Variants in MGAT4C observed in about 807,000 individuals in gnomAD.
MGAT4C encodes the protein alpha-1,3-mannosyl-glycoprotein 4-beta-N-acetylglucosaminyltransferase C.
In MGAT4C, 19 loss-of-function variants were observed where a neutral mutation model predicts 40.1. The observed-to-expected ratio is 0.47, with a 90% CI of 0.33 to 0.70. MGAT4C has a LOEUF of 0.70. MGAT4C is among the 30% of genes least tolerant of loss of function. The pLI is 0.02. For synonymous variants in MGAT4C, 181 were observed against 187.1 expected (o/e 0.97, Z 0.27); for missense variants, 491 against 563.2 (o/e 0.87, Z 1.30).
chr12:86,215,747 G>T (rs1950647126), intron 1 of MGAT4C, among the ~76,000 whole-genome samples: 1 of 151,932 alleles, frequency 6.6e-6, no homozygotes, highest in Non-Finnish European at 1.5e-5. Context: ...TTTGTCTAGT[G>T]TTTTCTTTTA....
intron 2 of MGAT4C, among the ~76,000 whole-genome samples, chr12:86,658,039 T>C (rs1963892432): frequency 6.6e-6 from 1 of 152,012 alleles, no homozygotes; most frequent in Admixed American, 6.6e-5. Context: ...AGCAACATAC[T>C]TAGGTGAATT....
At chr12:86,807,515 C>T (rs962029176) in intron 1 of MGAT4C, among the ~76,000 whole-genome samples, 2 of 151,946 alleles carry the variant, frequency 1.3e-5, no homozygotes, top group Admixed American at 6.6e-5. Context: ...TTTTTTTATC[C>T]AGTCTATCAC....
At chr12:86,436,462 A>G (rs1249040286) in intron 2 of MGAT4C, among the ~76,000 whole-genome samples, 1 of 151,666 alleles carries the variant, frequency 6.6e-6, no homozygotes. Flanking sequence ...TTTTTTTAAT[A>G]GTTTGTATCA....
In MGAT4C at chr12:85,977,560, T is replaced by C. The variant is rs1766755373; in HGVS notation, c.*1729A>G. The C allele has an allele frequency of 6.6e-6, 1 of 151,428 alleles. No homozygotes were observed. The highest frequency in any genetic ancestry group is 2.4e-5 in the African/African-American group (1 of 41,366). The allele number at this position is 151,428 out of a possible 1,614,324, so 9.4% of individuals were successfully genotyped here. On this transcript the variant is annotated 3_prime_UTR_variant, in exon 5 of 5. Transcript: ENST00000611864. ...GTTTTTCTTCTAACACTTTAGTAGC[T>C]GAATACAAAGAAAATACACAACAGC...
chr12:86,736,265 C>G (rs954213294), intron 1 of MGAT4C, among the ~76,000 whole-genome samples: 6 of 151,672 alleles, frequency 4.0e-5, no homozygotes, highest in Non-Finnish European at 8.8e-5. Context: ...TATCCTAACA[C>G]CTCAATTTCA....
chr12:86,138,378 G>T, intron 1 of MGAT4C, among the ~76,000 whole-genome samples: 1 of 149,622 alleles, frequency 6.7e-6, no homozygotes, highest in Middle Eastern at 3.3e-3. Context: ...GCCTCCTCAG[G>T]ATTCCCACTT....
chr12:86,408,482 T>C (rs1956530124), intron 3 of MGAT4C, among the ~76,000 whole-genome samples: 1 of 73,128 alleles, frequency 1.4e-5, no homozygotes, highest in Non-Finnish European at 2.9e-5. Context: ...TCTCTCTCTA[T>C]ATATATATAT....
chr12:86,470,969 A>G (rs995196038), intron 2 of MGAT4C, among the ~76,000 whole-genome samples: 4 of 152,090 alleles, frequency 2.6e-5, no homozygotes, highest in Non-Finnish European at 5.9e-5. Context: ...ATGGAACAGC[A>G]TCTCAAAAGT....
chr12:86,549,396 T>C (rs1365170165), intron 2 of MGAT4C, among the ~76,000 whole-genome samples: 1 of 152,192 alleles, frequency 6.6e-6, no homozygotes, highest in Non-Finnish European at 1.5e-5. Flanking sequence ...GTCAAAGGCA[T>C]TTAATTATTA....
intron 2 of MGAT4C, among the ~76,000 whole-genome samples, chr12:86,484,370 G>T (rs1957983327): frequency 6.6e-6 from 1 of 152,206 alleles, no homozygotes; most frequent in Admixed American, 6.5e-5. Flanking sequence ...TGTTCTGCAT[G>T]TTCCCCTGCC....
intron 1 of MGAT4C, among the ~76,000 whole-genome samples, chr12:86,154,648 T>C (rs763935246): frequency 3.3e-4 from 50 of 152,316 alleles, no homozygotes; most frequent in Non-Finnish European, 5.7e-4. Flanking sequence ...GTTCTCACAT[T>C]ATACTTTAAT....
At chr12:86,089,664 A>C (rs905540644) in intron 1 of MGAT4C, among the ~76,000 whole-genome samples, 10 of 151,666 alleles carry the variant, frequency 6.6e-5, no homozygotes, top group African/African-American at 2.4e-4. Flanking sequence ...TTACCATTTA[A>C]GCTTTTGTCC....
chr12:86,474,275 A>G (rs1258210288), intron 2 of MGAT4C, among the ~76,000 whole-genome samples: 1 of 150,826 alleles, frequency 6.6e-6, no homozygotes, highest in African/African-American at 2.4e-5. Flanking sequence ...GCAAGGACAA[A>G]AAACCAAACA....
chr12:86,691,049 G>T (rs145189092), intron 2 of MGAT4C, among the ~76,000 whole-genome samples: 1 of 152,086 alleles, frequency 6.6e-6, no homozygotes, highest in Non-Finnish European at 1.5e-5. Flanking sequence ...TAAATGGCAC[G>T]ATAGTTTACT....
At chr12:86,193,993 C>A (rs940402229) in intron 1 of MGAT4C, among the ~76,000 whole-genome samples, 3 of 151,912 alleles carry the variant, frequency 2.0e-5, no homozygotes, top group African/African-American at 7.3e-5. Flanking sequence ...TCTCTCTTTC[C>A]TTTTATTTGG....
At chr12:86,453,314 A>G (rs1032746995) in intron 2 of MGAT4C, among the ~76,000 whole-genome samples, 3 of 152,200 alleles carry the variant, frequency 2.0e-5, no homozygotes, top group Non-Finnish European at 4.4e-5. Context: ...ATATGAAATC[A>G]TAATACCAAG....
chr12:86,806,641 C>T (rs1952361107), intron 1 of MGAT4C, among the ~76,000 whole-genome samples: 2 of 151,984 alleles, frequency 1.3e-5, no homozygotes, highest in Admixed American at 6.6e-5. Context: ...CACTTCAGTC[C>T]CTGTCCCTAA....
chr12:86,817,378 T>C (rs188724272), intron 1 of MGAT4C, among the ~76,000 whole-genome samples: 2 of 151,670 alleles, frequency 1.3e-5, no homozygotes, highest in African/African-American at 2.4e-5. Flanking sequence ...TGATATTTGT[T>C]TCATATTGTT....
intron 2 of MGAT4C, among the ~76,000 whole-genome samples, chr12:86,697,657 A>G (rs1430537840): frequency 6.6e-6 from 1 of 152,110 alleles, no homozygotes; most frequent in Non-Finnish European, 1.5e-5. Context: ...ATTTAAATAT[A>G]AATTTGTTAC....
Sources: gnomAD v4.1 joint callset for allele counts (sites outside exome capture counted in the v4.1 genomes callset) on GRCh38, gnomAD v4.1.1 for gene constraint, MANE v1.5 for transcripts, NCBI Gene and HGNC (gene_info 2026-07-23, HGNC 2026-07-21) for gene names.